TNRC6B: variants seen among roughly 807,000 people sequenced by gnomAD.
The protein encoded by TNRC6B is trinucleotide repeat-containing gene 6B protein.
A neutral mutation model predicts 203.6 loss-of-function variants in TNRC6B; 52 were observed. The ratio of observed to expected loss-of-function variants is 0.26; its 90% CI spans 0.20 to 0.32. TNRC6B has a LOEUF of 0.32. Ranked by LOEUF, TNRC6B falls within the 10% of genes least tolerant of loss-of-function variation. The probability of loss-of-function intolerance (pLI) is 1.00; values close to 1 mark genes in which losing one functional copy is unlikely to be tolerated. For missense variants in TNRC6B, 1,923 were observed against 2,286.2 expected (o/e 0.84, Z 3.24); for synonymous variants, 838 against 845.7 (o/e 0.99, Z 0.16).
chr22:40,101,794 A>G (rs143741875), intron 1 of TNRC6B, among the ~76,000 whole-genome samples: 1,961 of 152,324 alleles, frequency 0.013, 49 homozygotes, highest in African/African-American at 0.044. Context: ...CAGTTCAAGA[A>G]TCTGCAGTGA....
intron 4 of TNRC6B, among the ~76,000 whole-genome samples, chr22:40,169,053 C>G (rs927681495): frequency 6.6e-6 from 1 of 151,694 alleles, no homozygotes; most frequent in African/African-American, 2.4e-5. Flanking sequence ...ATAGTACCTA[C>G]TACATAGTAG....
intron 1 of TNRC6B, among the ~76,000 whole-genome samples, chr22:40,188,002 C>T (rs916866573): frequency 1.3e-5 from 2 of 152,026 alleles, no homozygotes; most frequent in Non-Finnish European, 2.9e-5. Context: ...GGTGGATCAC[C>T]TGAGGTCAGG....
intron 3 of TNRC6B, among the ~76,000 whole-genome samples, chr22:40,136,873 A>G (rs1289990406): frequency 1.3e-5 from 2 of 152,244 alleles, no homozygotes; most frequent in African/African-American, 4.8e-5. Flanking sequence ...TATCATTATC[A>G]AAGGCAGCAA....
In TNRC6B at chr22:40,266,489, C is replaced by T; in HGVS notation, c.2259C>T (p.Val753=). The T allele has an allele frequency of 5.6e-6, 9 of 1,613,206 alleles. No homozygotes were observed. The highest frequency in any genetic ancestry group is 1.6e-4 in the Middle Eastern group (1 of 6,062). The part of the protein sequence containing the change: ...SSGKNGWGEE[V]DQTKNSNWES... ...GAAAGAATGGTTGGGGGGAGGAAGT[C>T]GATCAGACAAAAAACAGCAATTGGG... Residue 753 remains valine (V), a synonymous_variant, in exon 5 of 23, where the codon GTC becomes GTT. Transcript: ENST00000454349.
intron 12 of TNRC6B, among the ~76,000 whole-genome samples, chr22:40,288,858 T>G (rs1426197116): frequency 7.0e-6 from 1 of 143,496 alleles, no homozygotes; most frequent in African/African-American, 2.6e-5. Context: ...TTTTTTTTTT[T>G]TGAGGCAGAG....
In TNRC6B at chr22:40,139,554, A is replaced by G. The variant is rs2068628364; in HGVS notation, c.45+13692A>G. Among the ~76,000 whole-genome samples the G allele has an allele frequency of 2.6e-5, 4 of 151,590 alleles. No homozygotes were observed. The South Asian group carries it at 8.3e-4, about 32-fold the overall frequency. Reference sequence around the variant, plus strand: ...ACCATGTTGGCCAGGCTGGTCTCGAACTCCTGACATCAGGTGATCCTCCTG... The same window carrying G: ...ACCATGTTGGCCAGGCTGGTCTCGAGCTCCTGACATCAGGTGATCCTCCTG... On this transcript the variant is annotated intron_variant, in intron 3 of 23. Transcript: ENST00000301923.
chr22:40,168,145 G>A (rs187349173), intron 4 of TNRC6B, among the ~76,000 whole-genome samples: 1 of 152,250 alleles, frequency 6.6e-6, no homozygotes, highest in East Asian at 1.9e-4. Flanking sequence ...ATTGCCTCAT[G>A]CATATGTCTT....
At chr22:40,244,886 A>G (rs1440840125) in intron 1 of TNRC6B, among the ~76,000 whole-genome samples, 1 of 152,180 alleles carries the variant, frequency 6.6e-6, no homozygotes, top group Non-Finnish European at 1.5e-5. Flanking sequence ...CAGCATTCCA[A>G]TAAATGTTAC....
chr22:40,207,010 G>GAATT (rs1488000939), intron 1 of TNRC6B, among the ~76,000 whole-genome samples: 1 of 152,122 alleles, frequency 6.6e-6, no homozygotes, highest in Admixed American at 6.6e-5. Flanking sequence ...GCTCTAGGAA[G>GAATT]AATTGCTCCC....
chr22:40,207,336 A>G (rs2069492331), intron 1 of TNRC6B, among the ~76,000 whole-genome samples: 2 of 150,148 alleles, frequency 1.3e-5, no homozygotes, highest in Admixed American at 1.3e-4. Context: ...TGAGCTCAGA[A>G]GTTCGTGGGC....
chr22:40,144,841 G>A (rs1393209574), intron 3 of TNRC6B, among the ~76,000 whole-genome samples: 1 of 151,856 alleles, frequency 6.6e-6, no homozygotes, highest in Non-Finnish European at 1.5e-5. Flanking sequence ...AGTTAATAGG[G>A]CGATCTTCAA....
At chr22:40,207,500 A>G (rs899666840) in intron 1 of TNRC6B, among the ~76,000 whole-genome samples, 20 of 150,740 alleles carry the variant, frequency 1.3e-4, no homozygotes, top group Admixed American at 1.2e-3. Context: ...TCATTATATC[A>G]TGATAAGAAC....
At chr22:40,091,029 T>G (rs1375047672) in intron 1 of TNRC6B, among the ~76,000 whole-genome samples, 2 of 152,218 alleles carry the variant, frequency 1.3e-5, no homozygotes, top group African/African-American at 4.8e-5. Flanking sequence ...TCGCCCAGGC[T>G]GGAGTGCAGT....
At chr22:40,269,912 C>T (rs2070535375) in intron 5 of TNRC6B, among the ~76,000 whole-genome samples, 1 of 144,198 alleles carries the variant, frequency 6.9e-6, no homozygotes, top group Non-Finnish European at 1.5e-5. Flanking sequence ...AAAAAAAATT[C>T]CTGGCAGTTG....
chr22:40,167,442 AGTT>A (rs932203740), intron 4 of TNRC6B, among the ~76,000 whole-genome samples: 4 of 152,116 alleles, frequency 2.6e-5, no homozygotes, highest in African/African-American at 9.7e-5. Flanking sequence ...AAAAGAATGA[AGTT>A]GTTGTTTAAT....
intron 1 of TNRC6B, among the ~76,000 whole-genome samples, chr22:40,047,532 G>A (rs1453364878): frequency 6.6e-6 from 1 of 152,080 alleles, no homozygotes; most frequent in Non-Finnish European, 1.5e-5. Flanking sequence ...GAACCCGGGA[G>A]GCGGAGGTTG....
chr22:40,172,124 C>T (rs2069006186), intron 4 of TNRC6B, among the ~76,000 whole-genome samples: 1 of 152,186 alleles, frequency 6.6e-6, no homozygotes, highest in Non-Finnish European at 1.5e-5. Flanking sequence ...AAGAGATCCG[C>T]CTGCCTTAGC....
intron 7 of TNRC6B, among the ~76,000 whole-genome samples, chr22:40,274,646 T>C (rs2070613082): frequency 6.6e-6 from 1 of 152,158 alleles, no homozygotes; most frequent in Non-Finnish European, 1.5e-5. Flanking sequence ...GGTCTCGATC[T>C]CCTGACCTCG....
chr22:40,154,146 C>T (rs1190931632), intron 3 of TNRC6B, among the ~76,000 whole-genome samples: 2 of 151,908 alleles, frequency 1.3e-5, no homozygotes, highest in Non-Finnish European at 2.9e-5. Flanking sequence ...CCATAGCCCT[C>T]AGCCTTTTCT....
Sources: gnomAD v4.1 joint callset for allele counts (sites outside exome capture counted in the v4.1 genomes callset) on GRCh38, gnomAD v4.1.1 for gene constraint, MANE v1.5 for transcripts, NCBI Gene and HGNC (gene_info 2026-07-23, HGNC 2026-07-21) for gene names.